Variants in KCNMA1 observed in about 807,000 individuals in gnomAD.
KCNMA1 encodes potassium calcium-activated channel subfamily M alpha 1.
In KCNMA1, 29 loss-of-function variants were observed where a neutral mutation model predicts 140.0. The observed-to-expected ratio is 0.21, with a 90% CI of 0.15 to 0.28. The LOEUF (loss-of-function observed/expected upper bound fraction) is 0.28. Among genes scored for constraint, KCNMA1 ranks in the 10% least tolerant of loss-of-function variants. KCNMA1 has a pLI of 1.00. For synonymous variants in KCNMA1, 612 were observed against 611.9 expected, an observed-to-expected ratio of 1.00 and a Z score of 0.00; for missense variants, 880 against 1,602.2, an observed-to-expected ratio of 0.55 and a Z score of 7.70.
At chr10:77,216,334 TA>T (rs913676183) in intron 3 of KCNMA1, among the ~76,000 whole-genome samples, 1 of 151,926 alleles carries the variant, frequency 6.6e-6, no homozygotes, top group Non-Finnish European at 1.5e-5. Context: ...CTATGGTATA[TA>T]AAACATATTT....
At chr10:77,460,834 G>A (rs907071391) in intron 1 of KCNMA1, among the ~76,000 whole-genome samples, 6 of 152,256 alleles carry the variant, frequency 3.9e-5, no homozygotes, top group African/African-American at 1.4e-4. Flanking sequence ...GGCTGGGCAT[G>A]GTGGTTCAAG....
At chr10:77,025,989 G>GAAAA (rs141656183) in intron 16 of KCNMA1, among the ~76,000 whole-genome samples, 1,789 of 131,740 alleles carry the variant, frequency 0.014, 43 homozygotes, top group African/African-American at 0.045. Context: ...CTTTTCTGAA[G>GAAAA]AAAAAAAAAA....
chr10:76,947,380 C>T (rs748342434), intron 22 of KCNMA1, among the ~76,000 whole-genome samples: 1 of 151,864 alleles, frequency 6.6e-6, no homozygotes, highest in Non-Finnish European at 1.5e-5. Context: ...AAAAAGGTCA[C>T]ACAGGAGGAA....
At chr10:77,185,432 C>A (rs1426860631) in intron 3 of KCNMA1, among the ~76,000 whole-genome samples, 2 of 152,084 alleles carry the variant, frequency 1.3e-5, no homozygotes, top group African/African-American at 4.8e-5. Flanking sequence ...ATTCAGGACC[C>A]AGGAGCATCT....
chr10:77,217,043 G>A lies in KCNMA1; in HGVS notation c.603-32127C>T, dbSNP rs1203953685. 5.3e-5 allele frequency among the ~76,000 whole-genome samples: 8 copies of A among 152,220 alleles called. No homozygotes were observed. The South Asian group carries it at 1.7e-3, about 32-fold the overall frequency. On this transcript the variant is annotated intron_variant, in intron 3 of 27. Transcript: ENST00000286628. ...GCCAGGTGCAATCTTAATCGCTCACGCTTTTAATCCCAGCACTTTGGGAGG... is the reference window on the plus strand; with the variant it reads ...GCCAGGTGCAATCTTAATCGCTCACACTTTTAATCCCAGCACTTTGGGAGG...
At chr10:77,220,072 G>A (rs1032504546) in intron 3 of KCNMA1, among the ~76,000 whole-genome samples, 4 of 152,092 alleles carry the variant, frequency 2.6e-5, no homozygotes. Context: ...CACATACCAG[G>A]CACTGTTCTG....
At chr10:77,448,430 T>G (rs2097568459) in intron 1 of KCNMA1, among the ~76,000 whole-genome samples, 1 of 152,202 alleles carries the variant, frequency 6.6e-6, no homozygotes, top group South Asian at 2.1e-4. Context: ...TCACAGTGCC[T>G]GCCACCGGCC....
intron 3 of KCNMA1, among the ~76,000 whole-genome samples, chr10:77,216,053 A>G (rs759582958): frequency 3.3e-5 from 5 of 152,150 alleles, no homozygotes; most frequent in Non-Finnish European, 5.9e-5. Flanking sequence ...TCTTGAAAAC[A>G]TCATGCTAAT....
intron 1 of KCNMA1, among the ~76,000 whole-genome samples, chr10:77,498,009 T>C (rs577815515): frequency 7.9e-5 from 12 of 151,084 alleles, no homozygotes; most frequent in Middle Eastern, 6.8e-3. Flanking sequence ...TCAAAACAAA[T>C]CCAGTATGCC....
intron 2 of KCNMA1, among the ~76,000 whole-genome samples, chr10:77,291,805 T>C (rs968820503): frequency 6.6e-6 from 1 of 152,176 alleles, no homozygotes; most frequent in Non-Finnish European, 1.5e-5. Flanking sequence ...TATTTCATTT[T>C]TTCATGTTCT....
chr10:77,448,886 A>C (rs2097577691), intron 1 of KCNMA1, among the ~76,000 whole-genome samples: 1 of 152,134 alleles, frequency 6.6e-6, no homozygotes, highest in African/African-American at 2.4e-5. Context: ...CAGGAGATCG[A>C]GACCAGCCAG....
intron 1 of KCNMA1, among the ~76,000 whole-genome samples, chr10:77,566,330 T>G (rs2068301373): frequency 6.6e-6 from 1 of 152,204 alleles, no homozygotes; most frequent in Non-Finnish European, 1.5e-5. Context: ...GGGCACCACC[T>G]GAAAAGTCCC....
intron 19 of KCNMA1, 125 bp downstream of exon 19, chr10:77,001,282 C>T (rs2086351682): frequency 1.2e-6 from 1 of 856,914 alleles, no homozygotes; most frequent in Non-Finnish European, 1.9e-6. Flanking sequence ...TGTCAGCACA[C>T]AGGAGTTCAC....
chr10:77,329,922 C>T (rs1480078915), intron 2 of KCNMA1, among the ~76,000 whole-genome samples: 16 of 152,126 alleles, frequency 1.1e-4, no homozygotes, highest in Admixed American at 9.8e-4. Context: ...TGAGATAATG[C>T]ACCCGAATAG....
chr10:77,126,734 CCA>C (rs199534013), intron 5 of KCNMA1, among the ~76,000 whole-genome samples: 7 of 132,532 alleles, frequency 5.3e-5, no homozygotes, highest in Admixed American at 7.6e-5. Flanking sequence ...CACCCCCCCC[CCA>C]CCACCACACA....
chr10:77,456,147 C>T (rs115888186), intron 1 of KCNMA1, among the ~76,000 whole-genome samples: 1 of 152,168 alleles, frequency 6.6e-6, no homozygotes, highest in Non-Finnish European at 1.5e-5. Context: ...GCAGGAGGCA[C>T]GACAGGGGAA....
intron 2 of KCNMA1, among the ~76,000 whole-genome samples, chr10:77,275,105 T>C (rs563242133): frequency 1.3e-5 from 2 of 152,300 alleles, no homozygotes; most frequent in Admixed American, 6.5e-5. Context: ...GTCTCCTTCA[T>C]GGGCAACTGG....
Position 77,568,883 on chromosome 10 carries a change from A to C in KCNMA1, c.378+68382T>G, listed in dbSNP as rs1201565073. Among the ~76,000 whole-genome samples, 3 of 151,426 alleles carry C rather than the reference A, an allele frequency of 2.0e-5. No individual in the cohort carries two copies. In the East Asian group the frequency reaches 5.8e-4, roughly 29 times the overall value. On this transcript the variant is annotated intron_variant, in intron 1 of 27. Transcript: ENST00000286628. ...CCTTAAGCTGATAAGCAAGTTCAGC[A>C]AAGTCTCAGGATACAAAATCAATGT...
At chr10:77,131,430 A>G (rs943331224) in intron 5 of KCNMA1, among the ~76,000 whole-genome samples, 1 of 151,994 alleles carries the variant, frequency 6.6e-6, no homozygotes, top group African/African-American at 2.4e-5. Context: ...ATATAACCAC[A>G]TGGATGAATC....
Sources: gnomAD v4.1 joint callset for allele counts (sites outside exome capture counted in the v4.1 genomes callset) on GRCh38, gnomAD v4.1.1 for gene constraint, MANE v1.5 for transcripts, NCBI Gene and HGNC (gene_info 2026-07-23, HGNC 2026-07-21) for gene names.